The following FAM185A variants were observed in gnomAD, a reference collection of about 807,000 sequenced individuals.
The protein encoded by FAM185A is protein FAM185A.
In FAM185A, 21 loss-of-function variants were observed where a neutral mutation model predicts 45.7. The observed-to-expected ratio is 0.46, with a 90% CI of 0.33 to 0.66. FAM185A has a LOEUF of 0.66. FAM185A is among the 30% of genes least tolerant of loss of function. The pLI is 0.03. For missense variants in FAM185A, 305 were observed against 485.4 expected, an observed-to-expected ratio of 0.63 and a Z score of 3.49; for synonymous variants, 117 against 194.0, an observed-to-expected ratio of 0.60 and a Z score of 3.30.
chr7:102,849,559 G>C, the FAM185A span, among the ~76,000 whole-genome samples: 2 of 152,172 alleles, frequency 1.3e-5, no homozygotes, highest in African/African-American at 4.8e-5. Context: ...TCTAAGTAAC[G>C]AGAGAGCATT....
At chr7:102,800,716 C>T (rs1796738153) in intron 7 of FAM185A, among the ~76,000 whole-genome samples, 1 of 151,964 alleles carries the variant, frequency 6.6e-6, no homozygotes, top group Admixed American at 6.5e-5. Context: ...TGAACAAAGC[C>T]TCCAAGACAT....
At chr7:102,841,249 G>GT in the FAM185A span, among the ~76,000 whole-genome samples, 727 of 145,250 alleles carry the variant, frequency 5.0e-3, 3 homozygotes, top group Non-Finnish European at 6.4e-3. Flanking sequence ...CAATCTGACA[G>GT]TTTTTTTTTT....
intron 3 of FAM185A, among the ~76,000 whole-genome samples, chr7:102,760,862 T>C (rs1189050650): frequency 6.6e-6 from 1 of 152,204 alleles, no homozygotes; most frequent in Non-Finnish European, 1.5e-5. Context: ...AAAGTACAGA[T>C]AAATTATTAG....
At chr7:102,818,674 T>G in the FAM185A span, among the ~76,000 whole-genome samples, 1 of 152,228 alleles carries the variant, frequency 6.6e-6, no homozygotes, top group Admixed American at 6.5e-5. Context: ...AATTTCATAC[T>G]GTGATTTGGG....
chr7:102,811,607 G>GT (rs1321843048), downstream of FAM185A, among the ~76,000 whole-genome samples: 1 of 152,218 alleles, frequency 6.6e-6, no homozygotes, highest in Non-Finnish European at 1.5e-5. Context: ...AACAGGGTGT[G>GT]TTTCTTACCG....
At chr7:102,823,048 GAC>G in the FAM185A span, among the ~76,000 whole-genome samples, 512 of 152,188 alleles carry the variant, frequency 3.4e-3, 4 homozygotes, top group African/African-American at 0.012. Context: ...TAGCCTCAGT[GAC>G]AGAGCAAGAC....
chr7:102,836,132 T>G, the FAM185A span, among the ~76,000 whole-genome samples: 12 of 152,232 alleles, frequency 7.9e-5, no homozygotes, highest in African/African-American at 1.9e-4. Context: ...CAAATCTGCC[T>G]TATGCCTTTT....
chr7:102,757,440 G>A (rs1793822699), intron 2 of FAM185A, among the ~76,000 whole-genome samples: 1 of 152,196 alleles, frequency 6.6e-6, no homozygotes, highest in South Asian at 2.1e-4. Flanking sequence ...TAGTTCATGT[G>A]AAGTAGCTAA....
At chr7:102,825,574 A>C in the FAM185A span, among the ~76,000 whole-genome samples, 4 of 152,214 alleles carry the variant, frequency 2.6e-5, no homozygotes, top group African/African-American at 7.2e-5. Context: ...AAACGGACTA[A>C]GACAGGGTAT....
the FAM185A span, chr7:102,822,318 C>A: frequency 1.0e-6 from 1 of 970,200 alleles, no homozygotes. Flanking sequence ...GCTTAAACAT[C>A]AAACATTTAT....
chr7:102,849,693 C>T, the FAM185A span, among the ~76,000 whole-genome samples: 2 of 152,144 alleles, frequency 1.3e-5, no homozygotes, highest in African/African-American at 4.8e-5. Context: ...TCTCCTCCCC[C>T]GGCTTTGTCT....
Position 102,772,350 on chromosome 7 carries a change from ATCACAGT to A in FAM185A, c.794-56_794-50del, listed in dbSNP as rs1303310823. The A allele has an allele frequency of 2.9e-6, 3 of 1,026,544 alleles. No individual in the cohort carries two copies. In the African/African-American group the frequency reaches 5.2e-5, roughly 18 times the overall value. The allele number at this position is 1,026,544 out of a possible 1,614,324, so 63.6% of individuals were successfully genotyped here. On this transcript the variant is annotated intron_variant, in intron 4 of 7. Transcript: ENST00000413034. ...CATCCATGTTTTAGCATTGCTATGTATCACAGTTCCTTTCTAGATTGTCTCTAGTACA... is the reference window on the plus strand; with the variant it reads ...CATCCATGTTTTAGCATTGCTATGTATCCTTTCTAGATTGTCTCTAGTACA...
chr7:102,770,844 A>G (rs964939412), intron 4 of FAM185A, among the ~76,000 whole-genome samples: 3 of 152,212 alleles, frequency 2.0e-5, no homozygotes, highest in African/African-American at 7.2e-5. Flanking sequence ...CAACCCAGCA[A>G]TTCCATTACT....
At chr7:102,776,138 G>A (rs141496698) in intron 5 of FAM185A, among the ~76,000 whole-genome samples, 1,014 of 76,328 alleles carry the variant, frequency 0.013, no homozygotes, top group African/African-American at 0.089. Context: ...TCTCTGTTTT[G>A]TAAACAGTAT....
At chr7:102,824,374 C>A in the FAM185A span, among the ~76,000 whole-genome samples, 1 of 152,296 alleles carries the variant, frequency 6.6e-6, no homozygotes, top group East Asian at 1.9e-4. Context: ...AAAGCAATTA[C>A]ACATTTATCA....
intron 4 of FAM185A, among the ~76,000 whole-genome samples, chr7:102,771,506 A>G (rs1438285134): frequency 1.3e-5 from 2 of 152,118 alleles, no homozygotes; most frequent in African/African-American, 4.8e-5. Context: ...GCATCTGGCT[A>G]TTGAGTAAAT....
chr7:102,812,140 G>C (rs149151034), downstream of FAM185A, among the ~76,000 whole-genome samples: 333 of 152,244 alleles, frequency 2.2e-3, 1 homozygote, highest in African/African-American at 7.6e-3. Context: ...GCTTGTTTGC[G>C]GCAGTCAGAA....
At chr7:102,751,532 G>T (rs1281525516) in intron 1 of FAM185A, among the ~76,000 whole-genome samples, 160 bp from the exon 2 acceptor site, 1 of 151,918 alleles carries the variant, frequency 6.6e-6, no homozygotes, top group East Asian at 1.9e-4. Context: ...ATTGTTTTTG[G>T]TCCCGTTGCT....
At chr7:102,836,884 C>T in the FAM185A span, among the ~76,000 whole-genome samples, 2 of 152,224 alleles carry the variant, frequency 1.3e-5, no homozygotes, top group African/African-American at 4.8e-5. Context: ...CTTCGTGTTG[C>T]ATACTCATAA....
Sources: allele counts gnomAD v4.1 joint callset (sites outside exome capture counted in the v4.1 genomes callset), GRCh38; gene constraint gnomAD v4.1.1; transcripts MANE v1.5; gene names NCBI Gene and HGNC (gene_info 2026-07-23, HGNC 2026-07-21).